Variants in FXR1 observed in about 807,000 individuals in gnomAD.
FXR1 encodes the protein FMR1 autosomal homolog 1, also known as RNA-binding protein FXR1.
In FXR1, 15 loss-of-function variants were observed where a neutral mutation model predicts 84.0. The observed-to-expected ratio is 0.18, with a 90% CI of 0.12 to 0.27. FXR1 has a LOEUF of 0.27. Ranked by LOEUF, FXR1 falls within the 10% of genes least tolerant of loss-of-function variation. FXR1 has a pLI of 1.00. For missense variants in FXR1, 480 were observed against 774.4 expected (o/e 0.62, Z 4.51); for synonymous variants, 245 against 250.7 (o/e 0.98, Z 0.21).
At position 180,916,982 on chromosome 3, in the gene FXR1, G is replaced by A. The variant is rs534818985; in HGVS notation, c.51+4246G>A. Among the ~76,000 whole-genome samples, 4 of 152,072 alleles carry A rather than the reference G, an allele frequency of 2.6e-5. No individual in the cohort carries two copies. The South Asian group carries it at 8.3e-4, about 32-fold the overall frequency. ...CCTGAGTAGCTGGTATTTCAGGGACGCACCACCACGCCCAGCTAATTTTTT... is the reference window on the plus strand; with the variant it reads ...CCTGAGTAGCTGGTATTTCAGGGACACACCACCACGCCCAGCTAATTTTTT... On this transcript the variant is annotated intron_variant, in intron 1 of 16. Transcript: ENST00000357559.
At position 180,933,355 on chromosome 3, in the gene FXR1, G is replaced by C; in HGVS notation, c.73G>C (p.Glu25Gln). The C allele has an allele frequency of 6.3e-7, 1 of 1,576,782 alleles. No individual in the cohort carries two copies. Among genetic ancestry groups the C allele is most frequent in the South Asian group, 1.1e-5 (1 of 90,072 alleles). ...FYKGFIKDVH[E>Q]DSLTVVFENN... ...GCAGGGATTTATCAAAGATGTTCAT[G>C]AAGACTCCCTTACAGTTGTTTTTGA... The change falls in exon 2 of 17, where the codon GAA (glutamate) becomes CAA (glutamine). Residue 25 changes from glutamate to glutamine, a missense_variant. Around this residue, in one of 6 missense-constraint regions of FXR1, gnomAD observed 54 missense variants for 74.2 expected, o/e 0.73. Transcript: ENST00000357559.
intron 1 of FXR1, among the ~76,000 whole-genome samples, chr3:180,932,093 A>AAAAAAAAAATTTTTTTTTTTTTT (rs1720004843): frequency 6.6e-6 from 1 of 150,512 alleles, no homozygotes; most frequent in African/African-American, 2.4e-5. Context: ...AAAAAAAACA[A>AAAAAAAAAATTTTTTTTTTTTTT]CTTTTTTGTT....
intron 11 of FXR1, 80 bp from the exon 12 acceptor site, chr3:180,962,803 G>A: frequency 1.1e-6 from 1 of 885,282 alleles, no homozygotes; most frequent in Non-Finnish European, 1.8e-6. Flanking sequence ...CTTTGATAGG[G>A]AGTACAGCTT....
intron 1 of FXR1, among the ~76,000 whole-genome samples, chr3:180,928,249 C>T (rs1348638352): frequency 6.6e-6 from 1 of 151,870 alleles, no homozygotes; most frequent in Non-Finnish European, 1.5e-5. Context: ...CGACTTTAGG[C>T]CTACTTTTGG....
intron 3 of FXR1, among the ~76,000 whole-genome samples, chr3:180,940,580 G>GTTTTGTTTTTTTTTTTT (rs746815811): frequency 1.4e-5 from 2 of 146,110 alleles, no homozygotes; most frequent in African/African-American, 2.7e-5. Context: ...GTTTTTTTCT[G>GTTTTGTTTTTTTTTTTT]TTTTCTTTTT....
At chr3:180,946,928 A>G (rs77618140) in intron 3 of FXR1, among the ~76,000 whole-genome samples, 3,327 of 152,308 alleles carry the variant, frequency 0.022, 47 homozygotes, top group Non-Finnish European at 0.038. Context: ...ATAATACGTT[A>G]AAGAAGCTCT....
intron 1 of FXR1, among the ~76,000 whole-genome samples, chr3:180,926,999 G>A (rs1168902025): frequency 2.6e-5 from 4 of 152,040 alleles, no homozygotes; most frequent in Non-Finnish European, 5.9e-5. Flanking sequence ...CTATTGATCA[G>A]TATTTCAAAC....
At chr3:180,915,628 A>G (rs1717801596) in intron 1 of FXR1, 2 of 737,548 alleles carry the variant, frequency 2.7e-6, no homozygotes, top group African/African-American at 1.7e-5. Flanking sequence ...TTTTCAATGT[A>G]CAGGTGATCT....
chr3:180,931,067 A>G (rs1719842133), intron 1 of FXR1, among the ~76,000 whole-genome samples: 1 of 148,294 alleles, frequency 6.7e-6, no homozygotes, highest in East Asian at 2.0e-4. Flanking sequence ...GTGCCCTACT[A>G]GAAATAGAGA....
chr3:180,949,604 C>T (rs1434865758), intron 7 of FXR1, among the ~76,000 whole-genome samples: 1 of 152,134 alleles, frequency 6.6e-6, no homozygotes, highest in Non-Finnish European at 1.5e-5. Context: ...AGGCTGGTCT[C>T]GAGCTCCTGG....
chr3:180,943,265 CTTTTTTTTTTTTT>C (rs71182562), intron 3 of FXR1, among the ~76,000 whole-genome samples: 27 of 27,636 alleles, frequency 9.8e-4, no homozygotes, highest in Admixed American at 1.7e-3. Flanking sequence ...CTGTGCCCGG[CTTTTTTTTTTTTT>C]TTTTTTTTTT....
intron 1 of FXR1, among the ~76,000 whole-genome samples, chr3:180,925,196 A>G (rs1456234415): frequency 6.6e-6 from 1 of 151,976 alleles, no homozygotes; most frequent in Non-Finnish European, 1.5e-5. Flanking sequence ...CCCTGTCTCT[A>G]CTACAAATAA....
intron 14 of FXR1, among the ~76,000 whole-genome samples, chr3:180,968,800 A>T (rs1713166870): frequency 6.6e-6 from 1 of 152,108 alleles, no homozygotes; most frequent in Non-Finnish European, 1.5e-5. Context: ...GGTGTAGGAA[A>T]CGTTTTACTT....
Position 180,957,945 on chromosome 3 carries a change from T to C in FXR1, c.990+17T>C. On this transcript the variant is annotated intron_variant, in intron 10 of 16. Coordinates refer to ENST00000357559, the MANE Select transcript of FXR1 (RefSeq NM_005087.4). ...AGAGAAGACGTAAGTATTTAAAATG[T>C]AATCTGCCTCTTTAAAATGTCCTTT... 8.9e-7 allele frequency: 1 copy of C among 1,124,592 alleles called. No homozygotes were observed. Among genetic ancestry groups the C allele is most frequent in the East Asian group, 2.5e-5 (1 of 40,302 alleles). The allele number at this position is 1,124,592 out of a possible 1,614,324, so 69.7% of individuals were successfully genotyped here.
intron 1 of FXR1, among the ~76,000 whole-genome samples, chr3:180,924,100 A>G (rs1718893682): frequency 6.6e-6 from 1 of 152,076 alleles, no homozygotes; most frequent in South Asian, 2.1e-4. Context: ...CTGGGACTTC[A>G]GGTGTGTACC....
chr3:180,976,101 A>G, intron 16 of FXR1, 21 bp from the exon 17 acceptor site: 1 of 1,576,732 alleles, frequency 6.3e-7, no homozygotes, highest in Non-Finnish European at 8.6e-7. Flanking sequence ...AGAAGTTGAA[A>G]AAGTTGTCTC....
chr3:180,971,002 G>T, intron 15 of FXR1: 1 of 330,184 alleles, frequency 3.0e-6, no homozygotes, highest in Non-Finnish European at 4.9e-6. Flanking sequence ...TTAAATCTTT[G>T]AAGGAAAGAA....
chr3:180,932,494 A>T (rs1045820746), intron 1 of FXR1, among the ~76,000 whole-genome samples: 1 of 152,204 alleles, frequency 6.6e-6, no homozygotes, highest in Non-Finnish European at 1.5e-5. Flanking sequence ...AGCAACAGTA[A>T]TTCTACACCC....
At chr3:180,921,638 A>G (rs1034184450) in intron 1 of FXR1, among the ~76,000 whole-genome samples, 32 of 151,974 alleles carry the variant, frequency 2.1e-4, no homozygotes, top group African/African-American at 7.7e-4. Context: ...TTATAAGTTT[A>G]TATCTTATAA....
Sources: allele counts gnomAD v4.1 joint callset (sites outside exome capture counted in the v4.1 genomes callset), GRCh38; gene constraint gnomAD v4.1.1; regional missense constraint gnomAD v4.1.1; transcripts MANE v1.5; gene names NCBI Gene and HGNC (gene_info 2026-07-23, HGNC 2026-07-21).